The following TTF1 variants were observed in gnomAD, a reference collection of about 807,000 sequenced individuals.
TTF1 encodes the protein transcription termination factor 1, also known as transcription termination factor, RNA polymerase I.
TTF1 carries 64 observed loss-of-function variants against 80.2 expected under a neutral mutation model. The observed-to-expected ratio is 0.80, with a 90% CI of 0.65 to 0.98. TTF1 has a LOEUF of 0.98. TTF1 is among the 50% of genes least tolerant of loss of function. The probability of loss-of-function intolerance (pLI) is 0.00; values close to 1 mark genes in which losing one functional copy is unlikely to be tolerated. For synonymous variants in TTF1, 372 were observed against 382.7 expected, an observed-to-expected ratio of 0.97 and a Z score of 0.33; for missense variants, 1,023 against 1,086.2, an observed-to-expected ratio of 0.94 and a Z score of 0.82.
In TTF1 at chr9:132,377,427, TGTGGTGTGAGTGCATGCATGTG is replaced by T. The variant is rs1278337441; in HGVS notation, c.2465-1281_2465-1260del. On this transcript the variant is annotated intron_variant, in intron 10 of 10. Transcript: ENST00000334270. ...CATGTGGTGTGTGTGAGTGCATGCA[TGTGGTGTGAGTGCATGCATGTG>T]GTGTGTGTGAGTGCATGTGGTGTGT... Among the ~76,000 whole-genome samples the T allele has an allele frequency of 4.9e-5, 4 of 82,214 alleles. No individual in the cohort carries two copies. The East Asian group carries it at 2.3e-3, about 47-fold the overall frequency. The allele number at this position is 82,214 out of a possible 152,430, so 53.9% of individuals were successfully genotyped here.
At chr9:132,391,770 G>A (rs1422600518) in intron 6 of TTF1, among the ~76,000 whole-genome samples, 1 of 152,236 alleles carries the variant, frequency 6.6e-6, no homozygotes, top group Admixed American at 6.5e-5. Context: ...GTGCCACTGC[G>A]GGGAAGTGAC....
chr9:132,400,326 T>G, intron 2 of TTF1, 68 bp from the exon 3 acceptor site: 2 of 1,387,576 alleles, frequency 1.4e-6, no homozygotes, highest in Non-Finnish European at 2.0e-6. Context: ...TTAAAATTTT[T>G]CCTTCTTTTT....
chr9:132,375,732 T>C lies in TTF1; in HGVS notation c.*183A>G. The C allele has an allele frequency of 1.8e-6, 1 of 551,728 alleles. No homozygotes were observed. 34.2% of individuals were successfully genotyped at this position (551,728 alleles called of 1,614,324 possible). On this transcript the variant is annotated 3_prime_UTR_variant, in exon 11 of 11. Coordinates refer to ENST00000334270, the MANE Select transcript of TTF1 (RefSeq NM_007344.4). ...GACAAGAAATAGTAATCTCTCTCTC[T>C]CATGCGGTGGTGCGATCTTGGCTCA...
intron 5 of TTF1, among the ~76,000 whole-genome samples, chr9:132,393,154 T>C (rs1383981125): frequency 6.6e-6 from 1 of 152,244 alleles, no homozygotes; most frequent in African/African-American, 2.4e-5. Context: ...AGACAAAAGA[T>C]GGCTTTACTG....
rs1849539700 is a variant in TTF1, at chr9:132,390,477, G to C, written c.2222+120C>G. The C allele has an allele frequency of 3.4e-6, 3 of 892,476 alleles. No individual in the cohort carries two copies. The South Asian group carries it at 4.8e-5, about 14-fold the overall frequency. 55.3% of individuals were successfully genotyped at this position (892,476 alleles called of 1,614,324 possible). ...TGATATGGAAGCAGCTGGGGCAGCA[G>C]ACTAGACACGATTGTTCTTGACACG... is the stretch of plus-strand genomic sequence containing the variant. On this transcript the variant is annotated intron_variant, in intron 7 of 10. Transcript: ENST00000334270.
intron 5 of TTF1, 45 bp downstream of exon 5, chr9:132,396,388 A>T: frequency 6.4e-7 from 1 of 1,563,358 alleles, no homozygotes; most frequent in Admixed American, 1.7e-5. Flanking sequence ...GTATCAGCAA[A>T]GACTAGAGAA....
In TTF1 at chr9:132,384,997, C is replaced by T. The variant is rs893470717; in HGVS notation, c.2378+1559G>A. The stretch of plus-strand genomic sequence containing the variant: ...TGGACTACGTAATCTATTACCTATT[C>T]CAGAAAAACAGCAAAATCAAACTGA... On this transcript the variant is annotated intron_variant, in intron 9 of 10. Transcript: ENST00000334270. This position sits in a 1 kb window ranked among gnomAD's most constrained non-coding sequence, Gnocchi z 4.1. 6.6e-6 allele frequency among the ~76,000 whole-genome samples: 1 copy of T among 152,148 alleles called. No individual in the cohort carries two copies. Among genetic ancestry groups the T allele is most frequent in the Non-Finnish European group, 1.5e-5 (1 of 68,022 alleles).
At position 132,402,337 on chromosome 9, in the gene TTF1, T is replaced by G. The variant is rs757221550; in HGVS notation, c.485A>C (p.Lys162Thr). 487 of 1,614,032 alleles carry G rather than the reference T, an allele frequency of 3.0e-4. No homozygotes were observed. The highest frequency in any genetic ancestry group is 3.9e-4 in the Non-Finnish European group (460 of 1,180,034). ...HAHKSEALHSKVREKKNKKHQ... is the reference protein window; with the variant it reads ...HAHKSEALHSTVREKKNKKHQ... ...CTTTTTATTCTTTTTCTCCCTAACT[T>G]TACTGTGCAGGGCTTCTGATTTATG... The change falls in exon 2 of 11, where the codon AAA becomes ACA. Residue 162 changes from lysine to threonine, a missense_variant. Coordinates refer to ENST00000334270, the MANE Select transcript of TTF1 (RefSeq NM_007344.4).
At chr9:132,381,068 C>T (rs1314815204) in intron 9 of TTF1, among the ~76,000 whole-genome samples, 2 of 152,064 alleles carry the variant, frequency 1.3e-5, no homozygotes, top group South Asian at 2.1e-4. Flanking sequence ...TGTGTCACCA[C>T]GTGCAGCTTA....
chr9:132,398,360 ATTG>A, intron 3 of TTF1, 34 bp from the exon 4 acceptor site: 1 of 1,476,694 alleles, frequency 6.8e-7, no homozygotes, highest in Non-Finnish European at 8.9e-7. Flanking sequence ...GAAAGTGTGT[ATTG>A]TTAATAATGA....
intron 3 of TTF1, among the ~76,000 whole-genome samples, chr9:132,399,149 A>T (rs1257494232): frequency 1.3e-5 from 2 of 149,756 alleles, no homozygotes; most frequent in African/African-American, 4.9e-5. Context: ...CAGTGAGCCG[A>T]GATCATGCCA....
At chr9:132,376,737 C>T (rs1476277916) in intron 10 of TTF1, among the ~76,000 whole-genome samples, 3 of 150,978 alleles carry the variant, frequency 2.0e-5, no homozygotes, top group Non-Finnish European at 4.4e-5. Flanking sequence ...ATCACACTCA[C>T]TGAAGCCTGG....
chr9:132,386,477 G>GT, intron 9 of TTF1, 79 bp downstream of exon 9: 1 of 1,167,862 alleles, frequency 8.6e-7, no homozygotes, highest in Non-Finnish European at 1.3e-6. Flanking sequence ...TATCAGCCCT[G>GT]TAAGATGATA....
chr9:132,377,727 TGA>T (rs1411556595), intron 10 of TTF1, among the ~76,000 whole-genome samples: 6 of 110,302 alleles, frequency 5.4e-5, no homozygotes, highest in African/African-American at 1.5e-4. Flanking sequence ...CATGTGTGTG[TGA>T]GTGCATGTGG....
At chr9:132,376,571 C>T (rs1849180870) in intron 10 of TTF1, among the ~76,000 whole-genome samples, 2 of 151,834 alleles carry the variant, frequency 1.3e-5, no homozygotes, top group Non-Finnish European at 2.9e-5. Flanking sequence ...CACAGGCCTG[C>T]AAGCTCGTTA....
Position 132,376,107 on chromosome 9 carries a change from C to T in TTF1, c.2526G>A (p.Met842Ile). 1 of 1,614,188 alleles carries T rather than the reference C, an allele frequency of 6.2e-7. No individual in the cohort carries two copies. The highest frequency in any genetic ancestry group is 8.5e-7 in the Non-Finnish European group (1 of 1,180,038). Residue 842 changes from methionine (M) to isoleucine (I), a missense_variant, in exon 11 of 11, where the codon ATG (methionine) becomes ATA (isoleucine). Physicochemically the swap from Met to Ile is conservative, Grantham distance 10. Coordinates refer to ENST00000334270, the MANE Select transcript of TTF1 (RefSeq NM_007344.4). The stretch of plus-strand genomic sequence containing the variant: ...GGATTTTAGTGCCTTTTTTCTCCAT[C>T]ATTTTTTCTAACTTTTCCTTCAGCA... ...LPLLKEKLEK[M>I]MEKKGTKIQT... is the part of the protein sequence containing the mutation.
chr9:132,400,357 C>T, intron 2 of TTF1, 99 bp from the exon 3 acceptor site: 2 of 979,022 alleles, frequency 2.0e-6, no homozygotes, highest in Non-Finnish European at 3.1e-6. Context: ...CAGAGGCTTG[C>T]TCTGTCGCCA....
chr9:132,390,535 T>C lies in TTF1; in HGVS notation c.2222+62A>G, dbSNP rs1849540934. On this transcript the variant is annotated intron_variant, in intron 7 of 10. Coordinates refer to ENST00000334270, the MANE Select transcript of TTF1 (RefSeq NM_007344.4). ...CCCCACGGCAGTTACACAGATATTC[T>C]TGGTAACCTCACCTCTCCACAGAAG... 9 of 1,530,596 alleles carry C rather than the reference T, an allele frequency of 5.9e-6. No homozygotes were observed. The Admixed American group carries it at 6.9e-5, about 12-fold the overall frequency. 94.8% of individuals were successfully genotyped at this position (1,530,596 alleles called of 1,614,324 possible). A position where few individuals can be genotyped will look rare whatever the true frequency, so the allele number is the denominator to read the frequency against.
intron 10 of TTF1, among the ~76,000 whole-genome samples, chr9:132,376,914 G>A (rs1371739002): frequency 6.6e-6 from 1 of 151,988 alleles, no homozygotes; most frequent in Admixed American, 6.6e-5. Flanking sequence ...GCCCAGGATG[G>A]TCTTGAACTC....
Sources: gnomAD v4.1 joint callset for allele counts (sites outside exome capture counted in the v4.1 genomes callset) on GRCh38, gnomAD v4.1.1 for gene constraint, Gnocchi (gnomAD v3.1) non-coding constraint, MANE v1.5 for transcripts, NCBI Gene and HGNC (gene_info 2026-07-23, HGNC 2026-07-21) for gene names.